Variants in TALDO1 observed in about 807,000 individuals in gnomAD.
The protein encoded by TALDO1 is transaldolase 1, also known as transaldolase.
TALDO1 carries 29 observed loss-of-function variants against 38.1 expected under a neutral mutation model. The observed-to-expected ratio is 0.76, with a 90% CI of 0.57 to 1.04. The LOEUF is 1.04. Ranked by LOEUF, TALDO1 falls within the 50% of genes least tolerant of loss-of-function variation. The probability of loss-of-function intolerance (pLI) is 0.00; values close to 1 mark genes in which losing one functional copy is unlikely to be tolerated. For missense variants in TALDO1, 499 were observed against 438.1 expected (o/e 1.14, Z -1.24); for synonymous variants, 207 against 176.8 (o/e 1.17, Z -1.36).
At chr11:764,515 G>A in intron 7 of TALDO1, 82 bp downstream of exon 7, 1 of 1,567,240 alleles carries the variant, frequency 6.4e-7, no homozygotes, top group East Asian at 2.4e-5. Flanking sequence ...GCTGGGCAGA[G>A]TTAAAACTTT....
intron 2 of TALDO1, among the ~76,000 whole-genome samples, chr11:758,713 T>C (rs1862883649): frequency 6.6e-6 from 1 of 151,972 alleles, no homozygotes; most frequent in Non-Finnish European, 1.5e-5. Context: ...CACGTCATTC[T>C]CCTGCCTCAG....
intron 1 of TALDO1, among the ~76,000 whole-genome samples, chr11:748,803 A>C (rs943128171): frequency 6.6e-6 from 1 of 152,218 alleles, no homozygotes; most frequent in African/African-American, 2.4e-5. Context: ...TCACACACAC[A>C]GCCCCCCCGT....
intron 3 of TALDO1, 66 bp from the exon 4 acceptor site, chr11:760,056 C>T: frequency 6.2e-7 from 1 of 1,608,724 alleles, no homozygotes; most frequent in Non-Finnish European, 8.5e-7. Context: ...CACCCGGCCT[C>T]CAGCTTGCTC....
At chr11:756,540 A>T (rs1472398881) in intron 2 of TALDO1, among the ~76,000 whole-genome samples, 1 of 119,032 alleles carries the variant, frequency 8.4e-6, no homozygotes, top group Non-Finnish European at 1.7e-5. Flanking sequence ...TTTGAGACAG[A>T]GTTTTGCTTT....
rs372668062 is a variant in TALDO1 at position 756,009 on chromosome 11, G to C, written c.221+7G>C. 4.7e-5 allele frequency: 76 copies of C among 1,611,730 alleles called. No homozygotes were observed. The African/African-American group carries it at 8.7e-4, about 18-fold the overall frequency. On this transcript the variant is annotated splice_region_variant and intron_variant, in intron 2 of 7. Transcript: ENST00000319006. Reference sequence around the variant, plus strand: ...ATGGCCGGAAGCTGGGCGGGTGAGTGCCTGGACTCGGGAGGGTCCCAGCTA... The same window carrying C: ...ATGGCCGGAAGCTGGGCGGGTGAGTCCCTGGACTCGGGAGGGTCCCAGCTA...
chr11:758,262 G>A lies in TALDO1; in HGVS notation c.222-688G>A, dbSNP rs575623482. 3.7e-3 allele frequency among the ~76,000 whole-genome samples: 569 copies of A among 152,184 alleles called. 3 individuals carry two copies. The highest frequency in any genetic ancestry group is 7.8e-3 in the Admixed American group (119 of 15,270). On this transcript the variant is annotated intron_variant, in intron 2 of 7. Transcript: ENST00000319006. ...TGTGCCACTGCACTCCAGCCTGGGCGACAGAGTGACACTCCATCTCAACAA... is the reference window on the plus strand; with the variant it reads ...TGTGCCACTGCACTCCAGCCTGGGCAACAGAGTGACACTCCATCTCAACAA...
intron 3 of TALDO1, 56 bp downstream of exon 3, chr11:759,113 C>T (rs1326989621): frequency 7.0e-6 from 10 of 1,424,400 alleles, no homozygotes; most frequent in East Asian, 7.0e-5. Flanking sequence ...CAGTTGCACA[C>T]GTGGATGCCA....
At chr11:752,067 GCTTTT>G (rs1432592863) in intron 1 of TALDO1, among the ~76,000 whole-genome samples, 4 of 151,546 alleles carry the variant, frequency 2.6e-5, no homozygotes, top group Admixed American at 2.0e-4. Flanking sequence ...TTATCTACTT[GCTTTT>G]CTTTTCTTTT....
intron 6 of TALDO1, 147 bp downstream of exon 6, chr11:764,091 G>C: frequency 7.4e-7 from 1 of 1,343,290 alleles, no homozygotes; most frequent in Non-Finnish European, 1.0e-6. Context: ...GGAGGGCTTG[G>C]CTTTCCTAAC....
At chr11:758,446 G>A (rs10902219) in intron 2 of TALDO1, among the ~76,000 whole-genome samples, 112,136 of 150,186 alleles carry the variant, frequency 0.75, 42,332 homozygotes, top group African/African-American at 0.86. Flanking sequence ...TGTCTTGGGG[G>A]AAAAAAAAAA....
At chr11:760,457 C>A in intron 4 of TALDO1, 1 of 700,996 alleles carries the variant, frequency 1.4e-6, no homozygotes, top group Non-Finnish European at 2.3e-6. Flanking sequence ...TGCTGGTGAT[C>A]AGAAATGAGG....
rs1198150216 is a variant in TALDO1 at position 758,997 on chromosome 11, T to G, written c.269T>G (p.Leu90Trp). 1 of 1,613,206 alleles carries G rather than the reference T, an allele frequency of 6.2e-7. No individual in the cohort carries two copies. The highest frequency in any genetic ancestry group is 8.5e-7 in the Non-Finnish European group (1 of 1,179,480). ...IKNAIDKLFV[L>W]FGAEILKKIP... ...AATGCTATTGATAAACTTTTTGTGT[T>G]GTTTGGAGCAGAAATACTAAAGAAG... The change falls in exon 3 of 8, where the codon TTG becomes TGG. Residue 90 changes from leucine to tryptophan, a missense_variant. By Grantham distance (61) the Leu-to-Trp change is moderately conservative. Transcript: ENST00000319006.
intron 2 of TALDO1, among the ~76,000 whole-genome samples, chr11:756,731 C>T (rs540938394): frequency 6.6e-6 from 1 of 152,034 alleles, no homozygotes; most frequent in Admixed American, 6.6e-5. Context: ...TTGGCCAGGC[C>T]GGTCTCGAAC....
chr11:752,752 A>G (rs1862770518), intron 1 of TALDO1, among the ~76,000 whole-genome samples: 1 of 152,208 alleles, frequency 6.6e-6, no homozygotes, highest in Non-Finnish European at 1.5e-5. Flanking sequence ...AGTACATGTA[A>G]GTGAGTGTTT....
At chr11:750,500 A>G (rs1862731478) in intron 1 of TALDO1, among the ~76,000 whole-genome samples, 1 of 151,678 alleles carries the variant, frequency 6.6e-6, no homozygotes, top group South Asian at 2.1e-4. Flanking sequence ...AAAAAAAAAA[A>G]GATATTTATT....
chr11:752,218 C>T (rs981817317), intron 1 of TALDO1: 49 of 151,748 alleles, frequency 3.2e-4, no homozygotes, highest in Non-Finnish European at 3.2e-4. Context: ...TACAGGCGCC[C>T]GCCACCACGC....
chr11:750,504 A>G (rs1156613100), intron 1 of TALDO1, among the ~76,000 whole-genome samples: 1 of 151,338 alleles, frequency 6.6e-6, no homozygotes, highest in Non-Finnish European at 1.5e-5. Context: ...AAAAAAAGAT[A>G]TTTATTTGCC....
At chr11:763,220 C>CCCCGCCCTCACCTG (rs1862974781) in intron 4 of TALDO1, 124 bp from the exon 5 acceptor site, 2 of 99,862 alleles carry the variant, frequency 2.0e-5, no homozygotes, top group Admixed American at 1.0e-4. Flanking sequence ...CCCTCACCTG[C>CCCCGCCCTCACCTG]CCCCGCCCTC....
At chr11:754,648 T>G (rs1372881448) in intron 1 of TALDO1, among the ~76,000 whole-genome samples, 1 of 151,878 alleles carries the variant, frequency 6.6e-6, no homozygotes, top group Non-Finnish European at 1.5e-5. Context: ...ATTTTTGTAT[T>G]TTTAGTAGAG....
Sources: allele counts gnomAD v4.1 joint callset (sites outside exome capture counted in the v4.1 genomes callset), GRCh38; gene constraint gnomAD v4.1.1; transcripts MANE v1.5; gene names NCBI Gene and HGNC (gene_info 2026-07-23, HGNC 2026-07-21).